Variants in TRAK1 observed in about 807,000 individuals in gnomAD.
TRAK1 encodes trafficking kinesin protein 1.
TRAK1 carries 33 observed loss-of-function variants against 92.1 expected under a neutral mutation model. The ratio of observed to expected loss-of-function variants is 0.36; its 90% CI spans 0.27 to 0.48. TRAK1 has a LOEUF of 0.48. Among genes scored for constraint, TRAK1 ranks in the 20% least tolerant of loss-of-function variants. The probability of loss-of-function intolerance (pLI) is 0.99; values close to 1 mark genes in which losing one functional copy is unlikely to be tolerated. For missense variants in TRAK1, 1,123 were observed against 1,257.9 expected, an observed-to-expected ratio of 0.89 and a Z score of 1.62; for synonymous variants, 521 against 517.3, an observed-to-expected ratio of 1.01 and a Z score of -0.10.
chr3:42,138,434 A>T (rs1698225746), intron 2 of TRAK1, among the ~76,000 whole-genome samples: 1 of 152,228 alleles, frequency 6.6e-6, no homozygotes, highest in Non-Finnish European at 1.5e-5. Context: ...ATGCAAAGAC[A>T]TATTTTTAAA....
intron 2 of TRAK1, among the ~76,000 whole-genome samples, chr3:42,169,978 C>G (rs1702347230): frequency 6.6e-6 from 1 of 152,184 alleles, no homozygotes; most frequent in African/African-American, 2.4e-5. Flanking sequence ...GAAAGACAGT[C>G]CGTACGAGAA....
At chr3:42,086,324 T>G (rs1704673737), upstream of TRAK1, among the ~76,000 whole-genome samples, 1 of 151,494 alleles carries the variant, frequency 6.6e-6, no homozygotes, top group African/African-American at 2.4e-5. Context: ...TTTTTTTTTT[T>G]GAGATGAGTC....
intron 1 of TRAK1, among the ~76,000 whole-genome samples, chr3:42,111,407 T>A (rs1018954341): frequency 6.6e-6 from 1 of 152,044 alleles, no homozygotes; most frequent in African/African-American, 2.4e-5. Context: ...TCCTTTTTTT[T>A]TTTTTTGAGA....
intron 1 of TRAK1, among the ~76,000 whole-genome samples, chr3:42,068,232 C>T (rs1446754012): frequency 2.6e-5 from 4 of 152,086 alleles, no homozygotes; most frequent in Non-Finnish European, 5.9e-5. Flanking sequence ...GATCATAGCT[C>T]ACTGCAGCCT....
intron 2 of TRAK1, among the ~76,000 whole-genome samples, chr3:42,140,017 G>A (rs756558550): frequency 3.9e-5 from 6 of 152,196 alleles, no homozygotes; most frequent in Non-Finnish European, 7.3e-5. Context: ...CATGCAGGCC[G>A]TGTACTGATG....
chr3:42,119,059 C>G (rs888461915), intron 1 of TRAK1, among the ~76,000 whole-genome samples: 1 of 152,208 alleles, frequency 6.6e-6, no homozygotes, highest in African/African-American at 2.4e-5. Flanking sequence ...TTCCCTTGTT[C>G]CATCACTCTT....
chr3:42,202,514 G>C lies in TRAK1; in HGVS notation c.1506G>C (p.Leu502=), dbSNP rs887084378. 1.3e-6 allele frequency: 2 copies of C among 1,535,682 alleles called. No individual in the cohort carries two copies. The highest frequency in any genetic ancestry group is 8.8e-7 in the Non-Finnish European group (1 of 1,134,704). Residue 502 remains leucine, a synonymous_variant, in exon 13 of 16, where the codon CTG becomes CTC. Coordinates refer to ENST00000327628, the MANE Select transcript of TRAK1 (RefSeq NM_001042646.3). The surrounding 1 kb of genome is among the most constrained non-coding windows in gnomAD (Gnocchi z 6.1). Reference sequence around the variant, plus strand: ...ACCTGGAGACGGCGCTGAGGCGGCTGTCCCTGCGCCGGGAGAACTACCTCT... The same window carrying C: ...ACCTGGAGACGGCGCTGAGGCGGCTCTCCCTGCGCCGGGAGAACTACCTCT... The part of the protein sequence containing the change: ...SHDLETALRR[L]SLRRENYLSE...
In TRAK1 at chr3:42,223,775, C is replaced by A. The variant is rs748032674; in HGVS notation, c.*38C>A. On this transcript the variant is annotated 3_prime_UTR_variant, in exon 16 of 16. Transcript: ENST00000327628. The surrounding 1 kb of genome is among the most constrained non-coding windows in gnomAD (Gnocchi z 6.1). ...GGCCGGTTGCCCTAGAGGAGACCCA[C>A]GTTCTCCTCTCTTGCTCCCACCTCC... The A allele has an allele frequency of 6.5e-7, 1 of 1,548,860 alleles. No homozygotes were observed. The highest frequency in any genetic ancestry group is 1.8e-5 in the Admixed American group (1 of 55,626).
Position 42,078,499 on chromosome 3 carries a change from A to T in TRAK1, c.-518-8605A>T, listed in dbSNP as rs566560095. The stretch of plus-strand genomic sequence containing the variant: ...CCAGGCACGGTGGCTTATGCCTGTA[A>T]TCCCAGCACTTTGGGAGGCTGAGGC... On this transcript the variant is annotated intron_variant, in intron 1 of 16. Coordinates refer to the TRAK1 transcript ENST00000487159. 2.4e-3 allele frequency among the ~76,000 whole-genome samples: 368 copies of T among 152,234 alleles called. 1 individual carries two copies. The highest frequency in any genetic ancestry group is 8.6e-3 in the African/African-American group (356 of 41,558).
At chr3:42,221,665 A>G (rs570791215) in intron 15 of TRAK1, among the ~76,000 whole-genome samples, 13 of 152,212 alleles carry the variant, frequency 8.5e-5, no homozygotes. Context: ...GCTCCAAGGC[A>G]CACTGGCAGC....
In TRAK1 at chr3:42,202,819, T is replaced by C. The variant is rs1707821995; in HGVS notation, c.1744+67T>C. ...GACTCCCTTTGGTCCCTGATCCACC[T>C]GCGGAAGGCGGGGCACCTCTGTCAC... On this transcript the variant is annotated intron_variant, in intron 13 of 15. Coordinates refer to ENST00000327628, the MANE Select transcript of TRAK1 (RefSeq NM_001042646.3). The surrounding 1 kb of genome is among the most constrained non-coding windows in gnomAD (Gnocchi z 6.1). 1.3e-6 allele frequency: 2 copies of C among 1,590,632 alleles called. No individual in the cohort carries two copies. Among genetic ancestry groups the C allele is most frequent in the South Asian group, 1.1e-5 (1 of 89,896 alleles).
intron 13 of TRAK1, chr3:42,203,291 G>A: frequency 1.0e-6 from 1 of 997,570 alleles, no homozygotes; most frequent in Non-Finnish European, 1.2e-6. Context: ...GCTTTTGGCA[G>A]ATGCAGTATG....
chr3:42,140,580 TCGCAC>T (rs1489809928), intron 2 of TRAK1, among the ~76,000 whole-genome samples: 1 of 152,128 alleles, frequency 6.6e-6, no homozygotes, highest in Non-Finnish European at 1.5e-5. Flanking sequence ...TGAGCCGAGA[TCGCAC>T]CGCTGCACTC....
chr3:42,016,876 T>G (rs1701547369), intron 1 of TRAK1, among the ~76,000 whole-genome samples: 1 of 152,174 alleles, frequency 6.6e-6, no homozygotes, highest in African/African-American at 2.4e-5. Flanking sequence ...TGCCAGAGCT[T>G]AATACTGTAT....
intron 1 of TRAK1, among the ~76,000 whole-genome samples, chr3:42,030,672 CAAA>C (rs1322619455): frequency 2.5e-5 from 1 of 40,390 alleles, no homozygotes; most frequent in Non-Finnish European, 4.7e-5. Flanking sequence ...GACTCCATCT[CAAA>C]AAAAAAAAAA....
intron 15 of TRAK1, among the ~76,000 whole-genome samples, chr3:42,220,204 G>A (rs1024908535): frequency 3.9e-5 from 6 of 152,128 alleles, no homozygotes; most frequent in East Asian, 1.9e-4. Flanking sequence ...ACAGCCAAAC[G>A]GTAATGACCA....
intron 3 of TRAK1, among the ~76,000 whole-genome samples, chr3:42,183,270 TG>T (rs1489590921): frequency 1.8e-4 from 27 of 152,222 alleles, no homozygotes; most frequent in African/African-American, 5.8e-4. Flanking sequence ...AAAATGAATC[TG>T]TTGGCCTGGC....
chr3:42,218,388 T>G lies in TRAK1; in HGVS notation c.1964-1106T>G, dbSNP rs927020068. On this transcript the variant is annotated intron_variant, in intron 14 of 15. Coordinates refer to ENST00000327628, the MANE Select transcript of TRAK1 (RefSeq NM_001042646.3). ...TTGAATCCTCATGGCCTCTGAAATC[T>G]GAATCAGTTTTCTCCCAGGAGGTCT... 5.2e-6 allele frequency: 5 copies of G among 968,164 alleles called. No individual in the cohort carries two copies. In the Admixed American group the frequency reaches 3.2e-4, roughly 62 times the overall value. The allele number at this position is 968,164 out of a possible 1,614,324, so 60.0% of individuals were successfully genotyped here.
chr3:42,024,176 T>C (rs1164341634), intron 1 of TRAK1, among the ~76,000 whole-genome samples: 1 of 152,144 alleles, frequency 6.6e-6, no homozygotes, highest in Non-Finnish European at 1.5e-5. Flanking sequence ...GATATCCATG[T>C]GTAGGAGAAC....
Sources: allele counts gnomAD v4.1 joint callset (sites outside exome capture counted in the v4.1 genomes callset), GRCh38; gene constraint gnomAD v4.1.1; non-coding constraint Gnocchi (gnomAD v3.1); transcripts MANE v1.5; gene names NCBI Gene and HGNC (gene_info 2026-07-23, HGNC 2026-07-21).